Variants in SLC25A5 observed in about 807,000 individuals in gnomAD.
SLC25A5 encodes the protein ADP/ATP translocase 2.
A neutral mutation model predicts 16.5 loss-of-function variants in SLC25A5; 4 were observed. The observed-to-expected ratio is 0.24, with a 90% confidence interval of 0.12 to 0.56. The LOEUF (loss-of-function observed/expected upper bound fraction) is 0.56. SLC25A5 is among the 20% of genes least tolerant of loss of function. The pLI is 0.93. For missense variants in SLC25A5, 88 were observed against 248.0 expected (o/e 0.35, Z 4.33); for synonymous variants, 60 against 95.2 (o/e 0.63, Z 2.15).
In SLC25A5 at chrX:119,469,843, C is replaced by T. The variant is rs746767790; in HGVS notation, c.294C>T (p.Ile98=). 4 of 1,212,465 alleles carry T rather than the reference C, an allele frequency of 3.3e-6. No individual in the cohort carries two copies. The highest frequency in any genetic ancestry group is 5.9e-5 in the East Asian group (2 of 33,866). The change falls in exon 2 of 4, where the codon ATC becomes ATT. Residue 98 remains isoleucine (I), a synonymous_variant. Transcript: ENST00000317881. ...NFAFKDKYKQ[I]FLGGVDKRTQ... Reference sequence around the variant, plus strand: ...CCTTCAAAGATAAATACAAGCAGATCTTCCTGGGTGGTGTGGACAAGAGAA... The same window carrying T: ...CCTTCAAAGATAAATACAAGCAGATTTTCCTGGGTGGTGTGGACAAGAGAA...
chrX:119,470,656 T>G (rs1569384383), intron 3 of SLC25A5, 143 bp downstream of exon 3: 1 of 802,455 alleles, frequency 1.2e-6, no homozygotes. Flanking sequence ...CACAACTGCC[T>G]TTGAGCTGGC....
intron 1 of SLC25A5, 188 bp from the exon 2 acceptor site, chrX:119,469,473 G>C (rs1290809587): frequency 4.4e-5 from 21 of 474,685 alleles, no homozygotes; most frequent in Non-Finnish European, 7.1e-5. Context: ...AATGCTACTG[G>C]TGCAGATCAC....
chrX:119,470,871 T>C, intron 3 of SLC25A5, 30 bp from the exon 4 acceptor site: 1 of 1,190,794 alleles, frequency 8.4e-7, no homozygotes, highest in Non-Finnish European at 1.1e-6. Context: ...CGGCCTTCAG[T>C]CACTAACTCC....
rs2052805605 is a variant in SLC25A5 at position 119,468,918 on chromosome X, C to T, written c.111+292C>T. 2.6e-5 allele frequency: 8 copies of T among 305,542 alleles called. No homozygotes were observed. The South Asian group carries it at 4.4e-4, about 17-fold the overall frequency. 25.2% of individuals were successfully genotyped at this position (305,542 alleles called of 1,213,427 possible). A position where few individuals can be genotyped will look rare whatever the true frequency, so the allele number is the denominator to read the frequency against. ...AGCAGTTTCTGAGTGACGGCCTCCC[C>T]GGGCCTGGGCGTCAAGGGCGAAGGC... is the stretch of plus-strand genomic sequence containing the variant. On this transcript the variant is annotated intron_variant, in intron 1 of 3. Coordinates refer to ENST00000317881, the MANE Select transcript of SLC25A5 (RefSeq NM_001152.5).
At chrX:119,470,826 C>A in intron 3 of SLC25A5, 75 bp from the exon 4 acceptor site, 2 of 1,092,544 alleles carry the variant, frequency 1.8e-6, no homozygotes, top group Non-Finnish European at 1.2e-6. Context: ...TGGGGCTCTG[C>A]TTTATTTAGC....
At chrX:119,469,528 G>C (rs1307591834) in intron 1 of SLC25A5, 133 bp from the exon 2 acceptor site, 1 of 763,411 alleles carries the variant, frequency 1.3e-6, no homozygotes, top group Admixed American at 3.1e-5. Flanking sequence ...GGTCCAGCCA[G>C]TATGATATAC....
chrX:119,468,690 G>C (rs1487656032), intron 1 of SLC25A5, 64 bp downstream of exon 1: 2 of 973,533 alleles, frequency 2.1e-6, no homozygotes, highest in African/African-American at 3.8e-5. Context: ...GAAGGCGGGC[G>C]CCCGAGGGGT....
intron 1 of SLC25A5, chrX:119,468,922 C>T (rs2052805637): frequency 3.2e-6 from 1 of 307,871 alleles, no homozygotes. Flanking sequence ...CCTCCCCGGG[C>T]CTGGGCGTCA....
intron 1 of SLC25A5, 63 bp downstream of exon 1, chrX:119,468,689 C>A (rs962834075): frequency 2.0e-6 from 2 of 979,149 alleles, no homozygotes; most frequent in Non-Finnish European, 2.8e-6. Flanking sequence ...AGAAGGCGGG[C>A]GCCCGAGGGG....
At position 119,468,578 on chromosome X, in the gene SLC25A5, C is replaced by T; in HGVS notation, c.63C>T (p.Ile21=). 8.3e-7 allele frequency: 1 copy of T among 1,210,573 alleles called. No homozygotes were observed. The highest frequency in any genetic ancestry group is 2.2e-5 in the Admixed American group (1 of 46,113). The change falls in exon 1 of 4, where the codon ATC becomes ATT. Residue 21 remains isoleucine (I), a synonymous_variant. Transcript: ENST00000317881. ...TGGCAGGTGGAGTGGCCGCAGCCATCTCCAAGACGGCGGTAGCGCCCATCG... is the reference window on the plus strand; with the variant it reads ...TGGCAGGTGGAGTGGCCGCAGCCATTTCCAAGACGGCGGTAGCGCCCATCG... ...DFLAGGVAAA[I]SKTAVAPIER...
In SLC25A5 at chrX:119,470,400, A is replaced by G. The variant is rs2052823731; in HGVS notation, c.626A>G (p.His209Arg). Reference protein sequence around the residue: ...KGMLPDPKNTHIVISWMIAQT... With the variant: ...KGMLPDPKNTRIVISWMIAQT... ...ATGCTTCCGGATCCCAAGAACACTC[A>G]CATCGTCATCAGCTGGATGATCGCA... is the stretch of plus-strand genomic sequence containing the variant. The change falls in exon 3 of 4, where the codon CAC (histidine) becomes CGC (arginine). Residue 209 changes from histidine to arginine, a missense_variant. His to Arg is a conservative substitution (Grantham distance 29). Coordinates refer to ENST00000317881, the MANE Select transcript of SLC25A5 (RefSeq NM_001152.5). The G allele has an allele frequency of 8.2e-7, 1 of 1,212,750 alleles. No individual in the cohort carries two copies. Among genetic ancestry groups the G allele is most frequent in the Non-Finnish European group, 1.1e-6 (1 of 895,676 alleles).
At chrX:119,470,877 A>G in intron 3 of SLC25A5, 24 bp from the exon 4 acceptor site, 1 of 1,192,741 alleles carries the variant, frequency 8.4e-7, no homozygotes, top group Non-Finnish European at 1.1e-6. Flanking sequence ...TCAGTCACTA[A>G]CTCCATGTCT....
rs2052822137 is a variant in SLC25A5 at position 119,470,222 on chromosome X, C to T, written c.598+75C>T. On this transcript the variant is annotated intron_variant, in intron 2 of 3. Transcript: ENST00000317881. ...AGAGCATTGTACCAACCTAACAGTC[C>T]AAGAGCTAAAGAGTTGTTTTTTTAA... 7.0e-6 allele frequency: 8 copies of T among 1,136,674 alleles called. No homozygotes were observed. In the East Asian group the frequency reaches 2.1e-4, roughly 30 times the overall value. The allele number at this position is 1,136,674 out of a possible 1,213,427, so 93.7% of individuals were successfully genotyped here. A position where few individuals can be genotyped will look rare whatever the true frequency, so the allele number is the denominator to read the frequency against.
rs779131567 is a variant in SLC25A5 at position 119,471,371 on chromosome X, C to T, written c.*313C>T. 9.4e-4 allele frequency: 121 copies of T among 128,822 alleles called. No homozygotes were observed. The highest frequency in any genetic ancestry group is 4.5e-3 in the African/African-American group (110 of 24,467). 10.6% of individuals were successfully genotyped at this position (128,822 alleles called of 1,213,427 possible). ...AAAATGCATATTTGAGTGCTACATT[C>T]GAATAAATACTACCTTTTTAGTGAA... On this transcript the variant is annotated 3_prime_UTR_variant, in exon 4 of 4. Coordinates refer to ENST00000317881, the MANE Select transcript of SLC25A5 (RefSeq NM_001152.5).
intron 1 of SLC25A5, 90 bp downstream of exon 1, chrX:119,468,716 C>G: frequency 1.3e-6 from 1 of 766,913 alleles, no homozygotes; most frequent in South Asian, 2.5e-5. Flanking sequence ...GGAGCGAACT[C>G]TAAAGACATG....
chrX:119,470,125 C>T lies in SLC25A5; in HGVS notation c.576C>T (p.Phe192=), dbSNP rs768209155. 23 of 1,202,182 alleles carry T rather than the reference C, an allele frequency of 1.9e-5. No individual in the cohort carries two copies. In the Admixed American group the frequency reaches 4.5e-4, roughly 23 times the overall value. Residue 192 remains phenylalanine, a synonymous_variant, in exon 2 of 4, where the codon TTC becomes TTT. Coordinates refer to ENST00000317881, the MANE Select transcript of SLC25A5 (RefSeq NM_001152.5). ...TTATCATCTACCGAGCCGCCTACTT[C>T]GGTATCTATGACACTGCAAAGGGTA... ...QGIIIYRAAY[F]GIYDTAKGML...
chrX:119,470,513 A>C lies in SLC25A5; in HGVS notation c.739A>C (p.Thr247Pro). Residue 247 changes from threonine (T) to proline (P), a missense_variant and splice_region_variant, in exon 3 of 4, where the codon ACT (threonine) becomes CCT (proline). Physicochemically the swap from Thr to Pro is conservative, Grantham distance 38. Coordinates refer to ENST00000317881, the MANE Select transcript of SLC25A5 (RefSeq NM_001152.5). Reference protein sequence around the residue: ...RMMMQSGRKGTDIMYTGTLDC... With the variant: ...RMMMQSGRKGPDIMYTGTLDC... ...GATGATGCAGTCAGGGCGCAAAGGA[A>C]GTAAGTTCCACTTGAGCAGAAGATA... 1 of 1,195,247 alleles carries C rather than the reference A, an allele frequency of 8.4e-7. No homozygotes were observed. Among genetic ancestry groups the C allele is most frequent in the Non-Finnish European group, 1.1e-6 (1 of 887,326 alleles).
At position 119,470,983 on chromosome X, in the gene SLC25A5, A is replaced by C. The variant is rs780597355; in HGVS notation, c.822A>C (p.Ala274=). The C allele has an allele frequency of 8.2e-7, 1 of 1,212,185 alleles. No homozygotes were observed. The highest frequency in any genetic ancestry group is 1.7e-5 in the African/African-American group (1 of 58,100). The stretch of plus-strand genomic sequence containing the variant: ...GAGGCAAAGCTTTTTTCAAGGGTGC[A>C]TGGTCCAATGTTCTCAGAGGCATGG... ...DEGGKAFFKG[A]WSNVLRGMGG... Residue 274 remains alanine (A), a synonymous_variant, in exon 4 of 4, where the codon GCA becomes GCC. Transcript: ENST00000317881.
Position 119,468,484 on chromosome X carries a change from C to T in SLC25A5, c.-32C>T, listed in dbSNP as rs772653432. 4.3e-5 allele frequency: 50 copies of T among 1,156,572 alleles called. No individual in the cohort carries two copies. In the South Asian group the frequency reaches 7.0e-4, roughly 16 times the overall value. On this transcript the variant is annotated 5_prime_UTR_variant, in exon 1 of 4. Transcript: ENST00000317881. ...GTCAAAGCCGGTTCCCGGCCCAGTCCCGTCCTGCAGCAGTCTGCCTCCTCT... is the reference window on the plus strand; with the variant it reads ...GTCAAAGCCGGTTCCCGGCCCAGTCTCGTCCTGCAGCAGTCTGCCTCCTCT...
Sources: gnomAD v4.1 joint callset for allele counts on GRCh38, gnomAD v4.1.1 for gene constraint, MANE v1.5 for transcripts, NCBI Gene and HGNC (gene_info 2026-07-23, HGNC 2026-07-21) for gene names.